The following GRM5 variants were observed in gnomAD, a reference collection of about 807,000 sequenced individuals.
GRM5 encodes the protein glutamate metabotropic receptor 5.
Under a neutral mutation model 83.1 loss-of-function variants are expected in GRM5, and 19 were observed. The ratio of observed to expected loss-of-function variants is 0.23; its 90% CI spans 0.16 to 0.34. GRM5 has a LOEUF of 0.34. Ranked by LOEUF, GRM5 falls within the 10% of genes least tolerant of loss-of-function variation. The pLI, the probability that GRM5 is intolerant of heterozygous loss-of-function variation, is 1.00. For synonymous variants in GRM5, 675 were observed against 633.6 expected (o/e 1.07, Z -0.98); for missense variants, 1,160 against 1,588.3 (o/e 0.73, Z 4.58).
At chr11:88,743,458 C>T (rs1942069714) in intron 3 of GRM5, among the ~76,000 whole-genome samples, 1 of 152,106 alleles carries the variant, frequency 6.6e-6, no homozygotes, top group African/African-American at 2.4e-5. Flanking sequence ...CCACACTTCT[C>T]ATGCCAAATA....
intron 6 of GRM5, among the ~76,000 whole-genome samples, chr11:88,593,305 A>G (rs1195062890): frequency 6.6e-6 from 1 of 152,190 alleles, no homozygotes; most frequent in Non-Finnish European, 1.5e-5. Context: ...AGTAAAAATG[A>G]CATCTGGTTA....
chr11:88,853,198 C>T (rs564829789), intron 2 of GRM5, among the ~76,000 whole-genome samples: 1 of 152,220 alleles, frequency 6.6e-6, no homozygotes, highest in South Asian at 2.1e-4. Context: ...GTAGCTCACG[C>T]TACTTACAGG....
chr11:89,049,349 T>G, intron 1 of GRM5, among the ~76,000 whole-genome samples: 1 of 152,172 alleles, frequency 6.6e-6, no homozygotes, highest in East Asian at 1.9e-4. Flanking sequence ...AAAAGAGAAT[T>G]GACAAATTAG....
chr11:88,864,684 T>C (rs1302599626), intron 2 of GRM5, among the ~76,000 whole-genome samples: 1 of 152,060 alleles, frequency 6.6e-6, no homozygotes, highest in Non-Finnish European at 1.5e-5. Context: ...CTGATTACCC[T>C]GGCCAGAACT....
At position 88,508,975 on chromosome 11, in the gene GRM5, TG is replaced by T; in HGVS notation, c.3255del (p.Ser1086AlafsTer13). 2 of 1,585,836 alleles carry T rather than the reference TG, an allele frequency of 1.3e-6. No individual in the cohort carries two copies. The highest frequency in any genetic ancestry group is 1.2e-5 in the South Asian group (1 of 86,872). ...CAGAGCGGGGCGCCGACGCCGGGGC[TG>T]GGGGCCGCGGTGGACAGCATCATGG... ...LNSMMLSTAA[P>X]SPGVGAPLCS... On this transcript the variant is annotated frameshift_variant, in exon 10 of 10. Coordinates refer to ENST00000305447, the MANE Select transcript of GRM5 (RefSeq NM_001143831.3). LOFTEE classifies it low-confidence loss of function (END_TRUNC). This position sits in a 1 kb window ranked among gnomAD's most constrained non-coding sequence, Gnocchi z 4.2.
chr11:88,546,174 A>G (rs192910231), intron 8 of GRM5, among the ~76,000 whole-genome samples: 1 of 151,954 alleles, frequency 6.6e-6, no homozygotes, highest in East Asian at 1.9e-4. Flanking sequence ...TGTTCATGAC[A>G]CTGTATCTAA....
intron 2 of GRM5, among the ~76,000 whole-genome samples, chr11:89,038,550 CAA>C (rs1436873210): frequency 1.3e-5 from 2 of 152,186 alleles, no homozygotes. Context: ...ATCAGACTCA[CAA>C]AGAGGTCTTC....
intron 5 of GRM5, among the ~76,000 whole-genome samples, chr11:88,601,160 C>T (rs549819302): frequency 1.3e-5 from 2 of 152,148 alleles, no homozygotes; most frequent in African/African-American, 2.4e-5. Context: ...GACTATGCAA[C>T]CTTGGACATG....
At chr11:89,004,320 G>T (rs1940466840) in intron 2 of GRM5, among the ~76,000 whole-genome samples, 1 of 152,096 alleles carries the variant, frequency 6.6e-6, no homozygotes, top group Non-Finnish European at 1.5e-5. Context: ...ATTGGGGGTA[G>T]ATTATTAAAC....
intron 4 of GRM5, among the ~76,000 whole-genome samples, chr11:88,634,005 A>G (rs2135275719): frequency 6.6e-6 from 1 of 152,352 alleles, no homozygotes; most frequent in South Asian, 2.1e-4. Context: ...ACAAACCTGT[A>G]CAGCATGTTA....
intron 2 of GRM5, among the ~76,000 whole-genome samples, chr11:89,002,529 C>T (rs184015250): frequency 6.6e-6 from 1 of 152,206 alleles, no homozygotes; most frequent in Non-Finnish European, 1.5e-5. Flanking sequence ...CCCTTGGCAA[C>T]CTGTCATTCA....
chr11:88,859,434 T>A (rs1944527246), intron 2 of GRM5, among the ~76,000 whole-genome samples: 2 of 152,234 alleles, frequency 1.3e-5, no homozygotes, highest in South Asian at 4.1e-4. Flanking sequence ...CTAGATCCTG[T>A]AAAATTATTT....
At chr11:88,575,196 C>T (rs566129094) in intron 7 of GRM5, among the ~76,000 whole-genome samples, 1 of 152,128 alleles carries the variant, frequency 6.6e-6, no homozygotes, top group African/African-American at 2.4e-5. Flanking sequence ...CTGCCATATT[C>T]CTCTTTATGT....
intron 4 of GRM5, among the ~76,000 whole-genome samples, chr11:88,618,185 A>G (rs1938534633): frequency 6.6e-6 from 1 of 152,262 alleles, no homozygotes; most frequent in Non-Finnish European, 1.5e-5. Context: ...AGACTAAACT[A>G]ACCAGGTTGT....
chr11:88,854,870 C>A (rs924954311), intron 2 of GRM5, among the ~76,000 whole-genome samples: 1 of 151,724 alleles, frequency 6.6e-6, no homozygotes, highest in Non-Finnish European at 1.5e-5. Context: ...TAAAAGGCAC[C>A]AAATCATACT....
intron 1 of GRM5, among the ~76,000 whole-genome samples, chr11:89,055,196 G>A (rs1439377800): frequency 5.9e-5 from 9 of 152,180 alleles, no homozygotes; most frequent in African/African-American, 2.2e-4. Flanking sequence ...CATGGGCTTG[G>A]AGTCCAATGA....
At chr11:88,903,585 G>A (rs1383058188) in intron 2 of GRM5, among the ~76,000 whole-genome samples, 1 of 152,162 alleles carries the variant, frequency 6.6e-6, no homozygotes, top group East Asian at 1.9e-4. Flanking sequence ...AACAAATCAT[G>A]TCTTTTGCAG....
chr11:88,985,180 G>GA (rs1591020542), intron 2 of GRM5, among the ~76,000 whole-genome samples: 1 of 151,860 alleles, frequency 6.6e-6, no homozygotes, highest in Admixed American at 6.6e-5. Context: ...CATTTCTCTG[G>GA]AAAAACTATT....
intron 2 of GRM5, among the ~76,000 whole-genome samples, chr11:89,022,535 C>T (rs1941012202): frequency 6.6e-6 from 1 of 150,974 alleles, no homozygotes; most frequent in Admixed American, 6.6e-5. Context: ...GCCTGTAATC[C>T]CAGCTACTCA....
Sources: allele counts gnomAD v4.1 joint callset (sites outside exome capture counted in the v4.1 genomes callset), GRCh38; gene constraint gnomAD v4.1.1; non-coding constraint Gnocchi (gnomAD v3.1); transcripts MANE v1.5; gene names NCBI Gene and HGNC (gene_info 2026-07-23, HGNC 2026-07-21).